PLEC: variants seen among roughly 807,000 people sequenced by gnomAD.
PLEC encodes plectin, also known as hemidesmosomal protein 1.
PLEC carries 216 observed loss-of-function variants against 392.8 expected under a neutral mutation model. The observed-to-expected ratio is 0.55, with a 90% CI of 0.49 to 0.62. The LOEUF (loss-of-function observed/expected upper bound fraction) is 0.62. PLEC is among the 20% of genes least tolerant of loss of function. The probability of loss-of-function intolerance (pLI) is 0.00; values close to 1 mark genes in which losing one functional copy is unlikely to be tolerated. For missense variants in PLEC, 6,863 were observed against 6,563.4 expected, an observed-to-expected ratio of 1.05 and a Z score of -1.58; for synonymous variants, 3,621 against 2,980.6, an observed-to-expected ratio of 1.21 and a Z score of -7.00.
rs115621402 is a variant in PLEC, at chr8:143,916,573, C to T, written c.13248G>A (p.Thr4416=). ...GCTTCTGTGCGGTGCGGGCGTCCAC[C>T]GTGCCGCGCTGCAGGGCCTCGTCCA... is the stretch of plus-strand genomic sequence containing the variant. ...VPLDEALQRG[T]VDARTAQKLR... Residue 4416 remains threonine (T), a synonymous_variant, in exon 32 of 32, where the codon ACG becomes ACA. Coordinates refer to ENST00000345136, the MANE Select transcript of PLEC (RefSeq NM_201384.3). The T allele has an allele frequency of 8.1e-4, 1,311 of 1,611,542 alleles. 11 individuals carry two copies. The African/African-American group carries it at 0.015, about 19-fold the overall frequency.
At chr8:143,944,631 A>G in intron 1 of PLEC, 3 of 1,341,960 alleles carry the variant, frequency 2.2e-6, no homozygotes, top group South Asian at 2.1e-5. Context: ...CAAGGCTTTC[A>G]AGGGCTGCCC....
chr8:143,930,700 C>T (rs1227456929), intron 19 of PLEC, among the ~76,000 whole-genome samples, 164 bp from the exon 20 acceptor site: 1 of 152,084 alleles, frequency 6.6e-6, no homozygotes, highest in Non-Finnish European at 1.5e-5. Flanking sequence ...GGGGGTTGGC[C>T]CCAAGCAGAC....
At chr8:143,944,215 G>A (rs1442492866), upstream of PLEC, among the ~76,000 whole-genome samples, 2 of 152,098 alleles carry the variant, frequency 1.3e-5, no homozygotes, top group African/African-American at 4.8e-5. Flanking sequence ...ACACCCGCCG[G>A]GAGGAGGGGC....
At position 143,924,904 on chromosome 8, in the gene PLEC, C is replaced by T. The variant is rs975988637; in HGVS notation, c.5025G>A (p.Arg1675=). The T allele has an allele frequency of 6.3e-7, 1 of 1,588,202 alleles. No homozygotes were observed. The highest frequency in any genetic ancestry group is 8.5e-7 in the Non-Finnish European group (1 of 1,174,862). The part of the protein sequence containing the change: ...QKEEAEREAR[R]RGKAEEQAVR... ...CGGCCTGCTCCTCCGCCTTGCCGCGCCGCCGCGCCTCGCGCTCCGCCTCCT... is the reference window on the plus strand; with the variant it reads ...CGGCCTGCTCCTCCGCCTTGCCGCGTCGCCGCGCCTCGCGCTCCGCCTCCT... The change falls in exon 31 of 32, where the codon CGG becomes CGA. Residue 1675 remains arginine, a synonymous_variant. Coordinates refer to ENST00000345136, the MANE Select transcript of PLEC (RefSeq NM_201384.3).
At chr8:143,964,616 T>G (rs1587407851) in intron 1 of PLEC, among the ~76,000 whole-genome samples, 2 of 152,154 alleles carry the variant, frequency 1.3e-5, no homozygotes, top group African/African-American at 2.4e-5. Context: ...GAGAATACAT[T>G]TCTGTTGTTT....
chr8:143,950,365 G>A (rs1554735357), exon 1 of PLEC: 2 of 1,591,374 alleles, frequency 1.3e-6, no homozygotes, highest in Non-Finnish European at 1.7e-6. Context: ...CCTGCACGTG[G>A]GGGGTGCGGC....
intron 30 of PLEC, among the ~76,000 whole-genome samples, 193 bp from the exon 31 acceptor site, chr8:143,926,077 C>T (rs1403986151): frequency 6.6e-6 from 1 of 152,262 alleles, no homozygotes; most frequent in East Asian, 1.9e-4. Context: ...GCCGGCCCCA[C>T]TGTGCTCACC....
chr8:143,942,912 C>T (rs971848037), upstream of PLEC, among the ~76,000 whole-genome samples: 3 of 152,148 alleles, frequency 2.0e-5, no homozygotes, highest in South Asian at 6.2e-4. Context: ...TCTGGCACCA[C>T]CAGGGAGTAG....
Position 143,933,310 on chromosome 8 carries a change from C to G in PLEC, c.1305G>C (p.Ala435=), listed in dbSNP as rs369877618. Residue 435 remains alanine, a synonymous_variant, in exon 13 of 32, where the codon GCG becomes GCC. Transcript: ENST00000345136. ...TGTCCAAGTCCCGTTCCACCTCCCC[C>G]GCCCGCTGTGGCACTTTGCCTGCAG... The part of the protein sequence containing the change: ...LLAAGKVPQR[A]GEVERDLDKA... 21 of 1,612,864 alleles carry G rather than the reference C, an allele frequency of 1.3e-5. No individual in the cohort carries two copies. In the Middle Eastern group the frequency reaches 8.2e-4, roughly 63 times the overall value.
chr8:143,924,064 C>T lies in PLEC; in HGVS notation c.5865G>A (p.Ala1955=), dbSNP rs62642469. Residue 1955 remains alanine (A), a synonymous_variant, in exon 31 of 32, where the codon GCG becomes GCA. Coordinates refer to ENST00000345136, the MANE Select transcript of PLEC (RefSeq NM_201384.3). ...ELELGRIRSN[A]EDTLRSKEQA... Reference sequence around the variant, plus strand: ...GCTCCTTGCTGCGCAGCGTGTCCTCCGCGTTGCTGCGGATGCGTCCCAGCT... The same window carrying T: ...GCTCCTTGCTGCGCAGCGTGTCCTCTGCGTTGCTGCGGATGCGTCCCAGCT... The T allele has an allele frequency of 0.01, 16,072 of 1,597,612 alleles. 1,399 individuals are homozygous for T. The African/African-American group carries it at 0.19, about 19-fold the overall frequency.
Position 143,922,129 on chromosome 8 carries a change from C to T in PLEC, c.7692G>A (p.Glu2564=), listed in dbSNP as rs1554688452. 6.5e-7 allele frequency: 1 copy of T among 1,541,572 alleles called. No homozygotes were observed. ...EARRRQHEAE[E]GVRRKQEELQ... Reference sequence around the variant, plus strand: ...GCTCCTCCTGCTTGCGCCGCACGCCCTCCTCGGCCTCATGCTGCCGCCGCC... The same window carrying T: ...GCTCCTCCTGCTTGCGCCGCACGCCTTCCTCGGCCTCATGCTGCCGCCGCC... The change falls in exon 32 of 32, where the codon GAG becomes GAA. Residue 2564 remains glutamate, a synonymous_variant. Transcript: ENST00000345136.
Position 143,916,901 on chromosome 8 carries a change from G to A in PLEC, c.12920C>T (p.Thr4307Met), listed in dbSNP as rs782337927. 9.9e-6 allele frequency: 16 copies of A among 1,612,792 alleles called. No individual in the cohort carries two copies. Among genetic ancestry groups the A allele is most frequent in the Middle Eastern group, 1.6e-4 (1 of 6,062 alleles). The change falls in exon 32 of 32, where the codon ACG becomes ATG. Residue 4307 changes from threonine (T) to methionine (M), a missense_variant. By Grantham distance (81) the Thr-to-Met change is moderately conservative. Transcript: ENST00000345136. ...AMHRNLVDNI[T>M]GQRLLEAQAC... ...CTGCGCCTCCAGCAGCCGCTGCCCC[G>A]TGATGTTATCCACCAGGTTCCGGTG...
upstream of PLEC, among the ~76,000 whole-genome samples, chr8:143,952,568 C>T (rs1312107792): frequency 1.3e-5 from 2 of 152,178 alleles, no homozygotes; most frequent in Non-Finnish European, 2.9e-5. Context: ...CCCCCCCACA[C>T]TGACCTCCTG....
Position 143,932,097 on chromosome 8 carries a change from C to G in PLEC, c.2082+33G>C, listed in dbSNP as rs527754540. The G allele has an allele frequency of 2.5e-4, 389 of 1,585,666 alleles. 3 individuals carry two copies. In the African/African-American group the frequency reaches 4.4e-3, roughly 18 times the overall value. ...CGCCTGGGGACCCGGCACGGCCCCC[C>G]CCGCAGCCCCGCCCCTACCCAGGGA... On this transcript the variant is annotated intron_variant, in intron 17 of 31. Coordinates refer to ENST00000345136, the MANE Select transcript of PLEC (RefSeq NM_201384.3).
Position 143,924,521 on chromosome 8 carries a change from GCCT to G in PLEC, c.5405_5407del (p.Glu1802del), listed in dbSNP as rs1373159987. The G allele has an allele frequency of 2.5e-5, 39 of 1,536,266 alleles. No homozygotes were observed. Among genetic ancestry groups the G allele is most frequent in the Non-Finnish European group, 3.3e-5 (38 of 1,147,854 alleles). On this transcript the variant is annotated inframe_deletion, in exon 31 of 32. Coordinates refer to ENST00000345136, the MANE Select transcript of PLEC (RefSeq NM_201384.3). Reference sequence around the variant, plus strand: ...TTCCGCCAGGGCACGCAGGCGGGCGGCCTCCTCGGCCAGCTCGCGGAACCGGCC... The same window carrying G: ...TTCCGCCAGGGCACGCAGGCGGGCGGCCTCGGCCAGCTCGCGGAACCGGCC...
chr8:143,924,139 C>T lies in PLEC; in HGVS notation c.5790G>A (p.Leu1930=). ...CGGCCGCCTTCTCGAAGCTCGCCTT[C>T]AGCGCCAGGATCTCCTCCTCCACCT... ...RRQVEEEILA[L]KASFEKAAAG... The change falls in exon 31 of 32, where the codon CTG becomes CTA. Residue 1930 remains leucine, a synonymous_variant. Transcript: ENST00000345136. The T allele has an allele frequency of 1.3e-6, 2 of 1,599,032 alleles. No homozygotes were observed. Among genetic ancestry groups the T allele is most frequent in the Non-Finnish European group, 1.7e-6 (2 of 1,179,522 alleles).
At position 143,922,208 on chromosome 8, in the gene PLEC, TGCTGCC is replaced by T; in HGVS notation, c.7607_7612del (p.Arg2536_Gln2537del). The T allele has an allele frequency of 1.9e-6, 3 of 1,556,614 alleles. No homozygotes were observed. Among genetic ancestry groups the T allele is most frequent in the Non-Finnish European group, 2.6e-6 (3 of 1,154,620 alleles). ...CTGCCGTTCCTGCTCCATCTGCTGC[TGCTGCC>T]GCTGCTGCTCCTCACGCAGCTGCTG... On this transcript the variant is annotated inframe_deletion, in exon 32 of 32. Coordinates refer to ENST00000345136, the MANE Select transcript of PLEC (RefSeq NM_201384.3).
Position 143,918,188 on chromosome 8 carries a change from G to C in PLEC, c.11633C>G (p.Ser3878Trp). The stretch of plus-strand genomic sequence containing the variant: ...ACGGAAGGTCAGCTTGCGGGCGTCC[G>C]ACAGTGGCAGGAGCAGCTGGCCGGT... Reference protein sequence around the residue: ...DGTGQLLLPLSDARKLTFRGL... With the variant: ...DGTGQLLLPLWDARKLTFRGL... Residue 3878 changes from serine to tryptophan, a missense_variant, in exon 32 of 32, where the codon TCG becomes TGG. By Grantham distance (177) the Ser-to-Trp change is radical. Transcript: ENST00000345136. 1 of 1,591,894 alleles carries C rather than the reference G, an allele frequency of 6.3e-7. No individual in the cohort carries two copies. The highest frequency in any genetic ancestry group is 8.5e-7 in the Non-Finnish European group (1 of 1,175,400).
chr8:143,945,293 A>G (rs782057668), intron 1 of PLEC: 2 of 451,408 alleles, frequency 4.4e-6, no homozygotes, highest in Non-Finnish European at 9.0e-6. Context: ...GGTCCCAGGG[A>G]TCTGGGATGG....
Sources: gnomAD v4.1 joint callset for allele counts (sites outside exome capture counted in the v4.1 genomes callset) on GRCh38, gnomAD v4.1.1 for gene constraint, MANE v1.5 for transcripts, NCBI Gene and HGNC (gene_info 2026-07-23, HGNC 2026-07-21) for gene names.